Variants in FRMD4A observed in about 807,000 individuals in gnomAD.
The protein encoded by FRMD4A is FERM domain containing 4A, also known as FERM domain-containing protein 4A.
FRMD4A carries 29 observed loss-of-function variants against 129.1 expected under a neutral mutation model. The observed-to-expected ratio is 0.22, with a 90% CI of 0.17 to 0.31. The LOEUF is 0.31. Ranked by LOEUF, FRMD4A falls within the 10% of genes least tolerant of loss-of-function variation. The probability of loss-of-function intolerance (pLI) is 1.00; values close to 1 mark genes in which losing one functional copy is unlikely to be tolerated. For missense variants in FRMD4A, 1,272 were observed against 1,375.8 expected (o/e 0.92, Z 1.19); for synonymous variants, 634 against 571.6 (o/e 1.11, Z -1.56).
intron 3 of FRMD4A, among the ~76,000 whole-genome samples, chr10:13,816,003 T>A (rs542966437): frequency 6.6e-6 from 1 of 152,310 alleles, no homozygotes; most frequent in African/African-American, 2.4e-5. Context: ...TAAACTGAAG[T>A]CAAGGAAAAG....
chr10:14,211,444 G>A (rs1842931293), intron 2 of FRMD4A, among the ~76,000 whole-genome samples: 1 of 152,196 alleles, frequency 6.6e-6, no homozygotes, highest in Admixed American at 6.5e-5. Context: ...AGCTCCTTAA[G>A]GCACGCATCA....
At chr10:13,746,682 T>C (rs1474193432) in intron 9 of FRMD4A, among the ~76,000 whole-genome samples, 1 of 152,214 alleles carries the variant, frequency 6.6e-6, no homozygotes. Context: ...TAGAATCAAC[T>C]TGGTCTGTGC....
At chr10:13,753,700 C>T (rs2091735596) in intron 8 of FRMD4A, among the ~76,000 whole-genome samples, 1 of 151,922 alleles carries the variant, frequency 6.6e-6, no homozygotes, top group African/African-American at 2.4e-5. Flanking sequence ...CTTATCACTG[C>T]ACCTGGTTAA....
chr10:14,241,641 C>T (rs1430920328), intron 2 of FRMD4A, among the ~76,000 whole-genome samples: 1 of 126,030 alleles, frequency 7.9e-6, no homozygotes. Flanking sequence ...GATTCTAATC[C>T]CCTTCTACAA....
At chr10:13,963,814 T>A (rs2095463812) in intron 2 of FRMD4A, among the ~76,000 whole-genome samples, 1 of 152,110 alleles carries the variant, frequency 6.6e-6, no homozygotes, top group South Asian at 2.1e-4. Flanking sequence ...TATCTATAGG[T>A]CATTGCAGGC....
Position 14,330,752 on chromosome 10 carries a change from C to A in FRMD4A, c.-237G>T. On this transcript the variant is annotated 5_prime_UTR_variant, in exon 1 of 25. Coordinates refer to ENST00000357447, the MANE Select transcript of FRMD4A (RefSeq NM_018027.5). ...CCCTTACCATCCCCGAGGAGGAAGT[C>A]ACTTAGGAACTGACCCTTCCACCTT... 1 of 398,936 alleles carries A rather than the reference C, an allele frequency of 2.5e-6. No individual in the cohort carries two copies. The highest frequency in any genetic ancestry group is 4.4e-6 in the Non-Finnish European group (1 of 226,332). 24.7% of individuals were successfully genotyped at this position (398,936 alleles called of 1,614,324 possible). A position where few individuals can be genotyped will look rare whatever the true frequency, so the allele number is the denominator to read the frequency against.
At chr10:13,955,524 C>T (rs1260782272) in intron 2 of FRMD4A, among the ~76,000 whole-genome samples, 1 of 152,234 alleles carries the variant, frequency 6.6e-6, no homozygotes, top group African/African-American at 2.4e-5. Context: ...AGGAGATTCC[C>T]TCTGGCCCTG....
At chr10:13,849,366 C>T (rs562064895) in intron 3 of FRMD4A, among the ~76,000 whole-genome samples, 2 of 152,308 alleles carry the variant, frequency 1.3e-5, no homozygotes, top group South Asian at 2.1e-4. Flanking sequence ...CCACAATGAG[C>T]CCACCTGCCC....
At chr10:14,171,550 C>T (rs942899772) in intron 2 of FRMD4A, among the ~76,000 whole-genome samples, 5 of 152,216 alleles carry the variant, frequency 3.3e-5, no homozygotes, top group East Asian at 1.9e-4. Flanking sequence ...CTCTCTGCAA[C>T]TGCCTTAATT....
At chr10:13,732,434 G>C (rs2090378238) in intron 12 of FRMD4A, among the ~76,000 whole-genome samples, 1 of 152,236 alleles carries the variant, frequency 6.6e-6, no homozygotes, top group African/African-American at 2.4e-5. Flanking sequence ...TGTTGGAGCT[G>C]TGCAGGCAGT....
chr10:14,119,506 C>T (rs1024783190), intron 2 of FRMD4A, among the ~76,000 whole-genome samples: 32 of 152,244 alleles, frequency 2.1e-4, no homozygotes, highest in African/African-American at 7.2e-4. Context: ...TTTGCCGTAA[C>T]ACATTGGCAG....
intron 5 of FRMD4A, among the ~76,000 whole-genome samples, chr10:13,784,562 A>G (rs2092809378): frequency 6.6e-6 from 1 of 152,242 alleles, no homozygotes; most frequent in Admixed American, 6.5e-5. Context: ...TTCAAATGAT[A>G]CTTTTAGATT....
intron 2 of FRMD4A, among the ~76,000 whole-genome samples, chr10:14,134,947 A>G (rs1002375410): frequency 2.6e-5 from 4 of 152,242 alleles, no homozygotes; most frequent in African/African-American, 9.6e-5. Flanking sequence ...ACATCAGAAT[A>G]AAATGCCCTT....
intron 3 of FRMD4A, among the ~76,000 whole-genome samples, chr10:13,833,227 C>T (rs1050006561): frequency 2.6e-5 from 4 of 152,240 alleles, no homozygotes; most frequent in South Asian, 2.1e-4. Flanking sequence ...CTCACAGTTC[C>T]ATATGGCTGG....
chr10:14,082,296 T>A (rs1484832190), intron 2 of FRMD4A, among the ~76,000 whole-genome samples: 1 of 152,176 alleles, frequency 6.6e-6, no homozygotes, highest in African/African-American at 2.4e-5. Flanking sequence ...TAGCCCAGGC[T>A]TGGATTCTGC....
intron 2 of FRMD4A, among the ~76,000 whole-genome samples, chr10:14,009,939 G>C (rs897621152): frequency 5.9e-5 from 9 of 152,160 alleles, no homozygotes; most frequent in African/African-American, 2.2e-4. Context: ...AGCATTGGCG[G>C]GGGGTGGGAA....
At chr10:14,211,613 T>C (rs529151732) in intron 2 of FRMD4A, among the ~76,000 whole-genome samples, 107 of 152,318 alleles carry the variant, frequency 7.0e-4, no homozygotes, top group Non-Finnish European at 1.3e-3. Flanking sequence ...GGGTCAAAGA[T>C]TGTATTCTAC....
intron 2 of FRMD4A, among the ~76,000 whole-genome samples, chr10:13,865,838 A>G (rs1174731693): frequency 1.3e-5 from 2 of 152,124 alleles, no homozygotes; most frequent in Non-Finnish European, 1.5e-5. Flanking sequence ...TAGTCAATTG[A>G]CACCTGTATT....
intron 2 of FRMD4A, among the ~76,000 whole-genome samples, chr10:14,214,516 T>C (rs1843016978): frequency 6.6e-6 from 1 of 152,208 alleles, no homozygotes; most frequent in Non-Finnish European, 1.5e-5. Context: ...CCTGTCTCAT[T>C]TGAACCCAAA....
Sources: allele counts gnomAD v4.1 joint callset (sites outside exome capture counted in the v4.1 genomes callset), GRCh38; gene constraint gnomAD v4.1.1; transcripts MANE v1.5; gene names NCBI Gene and HGNC (gene_info 2026-07-23, HGNC 2026-07-21).